The following POLDIP3 variants were observed in gnomAD, a reference collection of about 807,000 sequenced individuals.
POLDIP3 encodes DNA polymerase delta interacting protein 3, also known as polymerase delta-interacting protein 3.
Under a neutral mutation model 45.1 loss-of-function variants are expected in POLDIP3, and 14 were observed. The ratio of observed to expected loss-of-function variants is 0.31; its 90% CI spans 0.20 to 0.49. POLDIP3 has a LOEUF of 0.49. Ranked by LOEUF, POLDIP3 falls within the 20% of genes least tolerant of loss-of-function variation. POLDIP3 has a pLI of 0.99. For missense variants in POLDIP3, 511 were observed against 538.8 expected, an observed-to-expected ratio of 0.95 and a Z score of 0.51; for synonymous variants, 223 against 205.2, an observed-to-expected ratio of 1.09 and a Z score of -0.74.
chr22:42,587,580 A>C lies in POLDIP3; in HGVS notation c.1022-8T>G, dbSNP rs576613634. On this transcript the variant is annotated splice_region_variant and splice_polypyrimidine_tract_variant and intron_variant, in intron 7 of 8. Coordinates refer to ENST00000252115, the MANE Select transcript of POLDIP3 (RefSeq NM_032311.5). ...TGCACTTCATCGGCTGCCCTGAAAA[A>C]CCAAAGAAAGAAAAAGGCTCTGCTA... The C allele has an allele frequency of 6.2e-7, 1 of 1,613,158 alleles. No homozygotes were observed. The highest frequency in any genetic ancestry group is 1.1e-5 in the South Asian group (1 of 91,060).
At chr22:42,592,277 A>G (rs548256266) in intron 6 of POLDIP3, among the ~76,000 whole-genome samples, 193 bp from the exon 7 acceptor site, 1 of 152,392 alleles carries the variant, frequency 6.6e-6, no homozygotes, top group Non-Finnish European at 1.5e-5. Context: ...AGATGAGGTC[A>G]GCAGTGGGAA....
intron 1 of POLDIP3, among the ~76,000 whole-genome samples, chr22:42,613,455 G>A (rs930371482): frequency 3.9e-5 from 6 of 152,152 alleles, no homozygotes; most frequent in Admixed American, 1.3e-4. Flanking sequence ...GCATACGGGT[G>A]GTATTAATAA....
intron 1 of POLDIP3, among the ~76,000 whole-genome samples, chr22:42,610,884 T>C: frequency 6.6e-6 from 1 of 152,102 alleles, no homozygotes; most frequent in Non-Finnish European, 1.5e-5. Flanking sequence ...CCAGCCTGGA[T>C]GACAGAGCAA....
At position 42,585,935 on chromosome 22, in the gene POLDIP3, C is replaced by G. The variant is rs967955317; in HGVS notation, c.1122G>C (p.Glu374Asp). ...AGTTCACCCTGCGAGGCAGCTCGCT[C>G]TCCTTTTTCATTGATGGGCTGTCAC... Reference protein sequence around the residue: ...RLSDSPSMKKESELPRRVNSA... With the variant: ...RLSDSPSMKKDSELPRRVNSA... Residue 374 changes from glutamate to aspartate, a missense_variant, in exon 9 of 9, where the codon GAG (glutamate) becomes GAC (aspartate). Glu to Asp is a conservative substitution (Grantham distance 45). This residue lies in a region of POLDIP3 where 45 missense variants were observed against 34.3 expected (regional missense o/e 1.31). Transcript: ENST00000252115. The G allele has an allele frequency of 1.9e-6, 3 of 1,613,188 alleles. No homozygotes were observed. The highest frequency in any genetic ancestry group is 2.5e-6 in the Non-Finnish European group (3 of 1,179,746).
At chr22:42,594,222 C>T (rs1925845103) in intron 6 of POLDIP3, among the ~76,000 whole-genome samples, 1 of 151,992 alleles carries the variant, frequency 6.6e-6, no homozygotes, top group Non-Finnish European at 1.5e-5. Context: ...GATCGCACTA[C>T]TGGCACTCCA....
chr22:42,614,026 ACTTTC>A (rs1927296578), intron 1 of POLDIP3, among the ~76,000 whole-genome samples: 1 of 152,156 alleles, frequency 6.6e-6, no homozygotes, highest in African/African-American at 2.4e-5. Context: ...CAGCTCAAGC[ACTTTC>A]TTCTCCCTAA....
chr22:42,588,074 T>C (rs1925424596), intron 7 of POLDIP3, among the ~76,000 whole-genome samples: 1 of 152,174 alleles, frequency 6.6e-6, no homozygotes, highest in Admixed American at 6.5e-5. Context: ...TTCCATATCT[T>C]ACTCGAGTTA....
At chr22:42,587,408 G>C in intron 8 of POLDIP3, 98 bp downstream of exon 8, 2 of 1,224,026 alleles carry the variant, frequency 1.6e-6, no homozygotes, top group South Asian at 1.3e-5. Context: ...AACGGAATGG[G>C]GGGATGAAGG....
intron 1 of POLDIP3, among the ~76,000 whole-genome samples, chr22:42,608,255 C>CT (rs893049541): frequency 2.6e-5 from 2 of 76,242 alleles, no homozygotes; most frequent in African/African-American, 1.1e-4. Context: ...ATAACCTTAC[C>CT]CCCCCCCCCA....
chr22:42,586,694 A>G (rs1193922666), intron 8 of POLDIP3, among the ~76,000 whole-genome samples: 1 of 152,206 alleles, frequency 6.6e-6, no homozygotes, highest in Non-Finnish European at 1.5e-5. Flanking sequence ...TCCAAATCAC[A>G]TAATTCATTA....
At chr22:42,588,577 A>C (rs137094) in intron 7 of POLDIP3, among the ~76,000 whole-genome samples, 42,884 of 150,876 alleles carry the variant, frequency 0.28, 7,639 homozygotes, top group East Asian at 0.69. Flanking sequence ...TAAAAAAAAA[A>C]CCAGTAAGAT....
In POLDIP3 at chr22:42,585,469, C is replaced by A; in HGVS notation, c.*322G>T. ...ATCCCATGGGGCCACAAGAAAGCCA[C>A]CCAGAGAATTCAGTGTACCATTTCC... On this transcript the variant is annotated 3_prime_UTR_variant, in exon 9 of 9. Coordinates refer to ENST00000252115, the MANE Select transcript of POLDIP3 (RefSeq NM_032311.5). 1.3e-5 allele frequency: 5 copies of A among 374,354 alleles called. No individual in the cohort carries two copies. Among genetic ancestry groups the A allele is most frequent in the South Asian group, 1.1e-4 (5 of 43,864 alleles). The allele number at this position is 374,354 out of a possible 1,614,324, so 23.2% of individuals were successfully genotyped here. A position where few individuals can be genotyped will look rare whatever the true frequency, so the allele number is the denominator to read the frequency against.
chr22:42,606,694 A>G (rs1569304548), intron 1 of POLDIP3, among the ~76,000 whole-genome samples: 2 of 152,224 alleles, frequency 1.3e-5, no homozygotes, highest in Non-Finnish European at 2.9e-5. Flanking sequence ...CAGTGATCAT[A>G]GCTCACTACA....
chr22:42,585,792 C>G lies in POLDIP3; in HGVS notation c.1265G>C (p.Ter422SerextTer4). 1 of 1,611,106 alleles carries G rather than the reference C, an allele frequency of 6.2e-7. No individual in the cohort carries two copies. The highest frequency in any genetic ancestry group is 2.2e-4 in the Middle Eastern group (1 of 4,634). Residue 422 changes from the stop codon to serine, a stop_lost, in exon 9 of 9, where the codon TGA (stop) becomes TCA (serine). Coordinates refer to ENST00000252115, the MANE Select transcript of POLDIP3 (RefSeq NM_032311.5). ...CTTCTGGCTGCCTCACTCCCCTGCTCAAAGCTTGATTTTGAATTCTGTGGG... is the reference window on the plus strand; with the variant it reads ...CTTCTGGCTGCCTCACTCCCCTGCTGAAAGCTTGATTTTGAATTCTGTGGG... ...TQPTEFKIKL[*>S]
In POLDIP3 at chr22:42,602,759, C is replaced by A; in HGVS notation, c.450+11G>T. 6.3e-7 allele frequency: 1 copy of A among 1,580,236 alleles called. No individual in the cohort carries two copies. Among genetic ancestry groups the A allele is most frequent in the South Asian group, 1.1e-5 (1 of 87,310 alleles). On this transcript the variant is annotated intron_variant, in intron 2 of 8. Coordinates refer to ENST00000252115, the MANE Select transcript of POLDIP3 (RefSeq NM_032311.5). ...GCTTTCTGGGAATTCATGACAAAAG[C>A]CACAACTCACCTGGATGGTTTTGGT...
Position 42,584,909 on chromosome 22 carries a change from C to G in POLDIP3, c.*882G>C, listed in dbSNP as rs1408608723. 4.4e-6 allele frequency: 2 copies of G among 456,154 alleles called. No individual in the cohort carries two copies. The highest frequency in any genetic ancestry group is 1.5e-5 in the South Asian group (1 of 64,580). The allele number at this position is 456,154 out of a possible 1,614,324, so 28.3% of individuals were successfully genotyped here. A position where few individuals can be genotyped will look rare whatever the true frequency, so the allele number is the denominator to read the frequency against. On this transcript the variant is annotated 3_prime_UTR_variant, in exon 9 of 9. Coordinates refer to ENST00000252115, the MANE Select transcript of POLDIP3 (RefSeq NM_032311.5). Reference sequence around the variant, plus strand: ...TTCAAATAAGCTCCAAACCCAAGCACTGCACAATGGGAGGCTGAGCCTTTC... The same window carrying G: ...TTCAAATAAGCTCCAAACCCAAGCAGTGCACAATGGGAGGCTGAGCCTTTC...
chr22:42,601,699 T>C (rs1321208006), intron 3 of POLDIP3, among the ~76,000 whole-genome samples: 3 of 152,202 alleles, frequency 2.0e-5, no homozygotes, highest in Non-Finnish European at 4.4e-5. Flanking sequence ...AGGCAGAGGT[T>C]GCAGTGAGCC....
intron 8 of POLDIP3, among the ~76,000 whole-genome samples, chr22:42,587,089 CAAAA>C (rs897207914): frequency 5.8e-4 from 70 of 121,000 alleles, no homozygotes; most frequent in African/African-American, 3.1e-3. Flanking sequence ...ACTGAAAAAG[CAAAA>C]AACAAACAAA....
chr22:42,587,704 T>C (rs907520540), intron 7 of POLDIP3, 132 bp from the exon 8 acceptor site: 19 of 836,226 alleles, frequency 2.3e-5, no homozygotes, highest in Admixed American at 6.5e-5. Flanking sequence ...CAGATGGAGA[T>C]GGGGCTGCTA....
Sources: gnomAD v4.1 joint callset for allele counts (sites outside exome capture counted in the v4.1 genomes callset) on GRCh38, gnomAD v4.1.1 for gene constraint, gnomAD v4.1.1 regional missense constraint, MANE v1.5 for transcripts, NCBI Gene and HGNC (gene_info 2026-07-23, HGNC 2026-07-21) for gene names.